BMS1: variants seen among roughly 807,000 people sequenced by gnomAD.
The protein encoded by BMS1 is ribosome biogenesis protein BMS1 homolog.
BMS1 carries 53 observed loss-of-function variants against 138.7 expected under a neutral mutation model. The ratio of observed to expected loss-of-function variants is 0.38; its 90% confidence interval spans 0.31 to 0.48. The LOEUF is 0.48. Among genes scored for constraint, BMS1 ranks in the 20% least tolerant of loss-of-function variants. The pLI, the probability that BMS1 is intolerant of heterozygous loss-of-function variation, is 0.97. For missense variants in BMS1, 1,360 were observed against 1,565.5 expected, an observed-to-expected ratio of 0.87 and a Z score of 2.22; for synonymous variants, 504 against 539.9, an observed-to-expected ratio of 0.93 and a Z score of 0.92.
chr10:42,818,084 C>T (rs552732099), intron 15 of BMS1, among the ~76,000 whole-genome samples: 1 of 152,298 alleles, frequency 6.6e-6, no homozygotes, highest in Admixed American at 6.5e-5. Flanking sequence ...AACGTGTGTA[C>T]AGTTGATGGT....
chr10:42,802,086 T>G, intron 12 of BMS1, 51 bp from the exon 13 acceptor site: 1 of 1,467,880 alleles, frequency 6.8e-7, no homozygotes. Context: ...TTAGAGTTGT[T>G]TTGCTGAGTG....
At chr10:42,809,974 T>G (rs889021048) in intron 13 of BMS1, among the ~76,000 whole-genome samples, 2 of 114,244 alleles carry the variant, frequency 1.8e-5, no homozygotes, top group African/African-American at 7.3e-5. Context: ...TTTTTTTTTT[T>G]GTAGAGCCAG....
rs148911479 is a variant in BMS1 at position 42,792,561 on chromosome 10, A to G, written c.848A>G (p.Tyr283Cys). ...AAATGTGACCGGAAGGTGTCACTTT[A>G]TGGTTATTTAAGAGGAGCACACTTG... is the stretch of plus-strand genomic sequence containing the variant. ...NIKCDRKVSL[Y>C]GYLRGAHLKN... Residue 283 changes from tyrosine (Y) to cysteine (C), a missense_variant, in exon 7 of 23, where the codon TAT becomes TGT. By Grantham distance (194) the Tyr-to-Cys change is radical. Transcript: ENST00000374518. 1.9e-3 allele frequency: 3,109 copies of G among 1,611,480 alleles called. 9 individuals are homozygous for G. The highest frequency in any genetic ancestry group is 2.4e-3 in the Non-Finnish European group (2,847 of 1,179,802).
intron 6 of BMS1, among the ~76,000 whole-genome samples, chr10:42,792,060 G>A (rs1054672238): frequency 6.6e-6 from 1 of 152,058 alleles, no homozygotes; most frequent in African/African-American, 2.4e-5. Context: ...CTTCATGCCC[G>A]GGTGCTTGAG....
In BMS1 at chr10:42,820,708, A is replaced by G; in HGVS notation, c.2950+20A>G. 6.2e-7 allele frequency: 1 copy of G among 1,608,294 alleles called. No individual in the cohort carries two copies. Among genetic ancestry groups the G allele is most frequent in the Admixed American group, 1.7e-5 (1 of 59,868 alleles). On this transcript the variant is annotated intron_variant, in intron 17 of 22. Coordinates refer to ENST00000374518, the MANE Select transcript of BMS1 (RefSeq NM_014753.4). ...TTTGGGGTAAAATATGATTACAATA[A>G]CTTGCCTGTTGCCAAGATTAAACCT...
rs542108701 is a variant in BMS1, at chr10:42,790,473, A to G, written c.598A>G (p.Lys200Glu). The G allele has an allele frequency of 6.2e-7, 1 of 1,613,996 alleles. No homozygotes were observed. The highest frequency in any genetic ancestry group is 2.2e-5 in the East Asian group (1 of 44,884). ...KHNKQLKKTK[K>E]RLKHRFWTEV... ...TAATAAGCAACTGAAGAAGACAAAG[A>G]AGCGATTAAAACACAGGTTCTGGAC... Residue 200 changes from lysine (K) to glutamate (E), a missense_variant, in exon 5 of 23, where the codon AAG becomes GAG. Lys to Glu is a moderately conservative substitution (Grantham distance 56). Coordinates refer to ENST00000374518, the MANE Select transcript of BMS1 (RefSeq NM_014753.4).
chr10:42,811,264 A>G (rs1170778376), intron 13 of BMS1, among the ~76,000 whole-genome samples: 2 of 151,884 alleles, frequency 1.3e-5, no homozygotes, highest in Non-Finnish European at 2.9e-5. Flanking sequence ...GCTGTTCTCA[A>G]GCTCCCAACC....
intron 21 of BMS1, among the ~76,000 whole-genome samples, chr10:42,827,362 GACAGTGTA>G (rs1564433664): frequency 6.6e-6 from 1 of 152,188 alleles, no homozygotes; most frequent in Admixed American, 6.5e-5. Context: ...AATGGCCTGA[GACAGTGTA>G]ACAGCAGCTC....
At position 42,785,461 on chromosome 10, in the gene BMS1, T is replaced by C. The variant is rs145386815; in HGVS notation, c.177-21T>C. The C allele has an allele frequency of 3.3e-4, 521 of 1,564,654 alleles. 1 individual carries two copies. In the African/African-American group the frequency reaches 6.4e-3, roughly 19 times the overall value. Reference sequence around the variant, plus strand: ...AAAATGAGTTTACTATTTATTTATTTGTTTATTTTTTAATGAATAGGACTC... The same window carrying C: ...AAAATGAGTTTACTATTTATTTATTCGTTTATTTTTTAATGAATAGGACTC... On this transcript the variant is annotated intron_variant, in intron 2 of 22. Transcript: ENST00000374518.
Position 42,829,139 on chromosome 10 carries a change from C to T in BMS1, c.3457-1122C>T, listed in dbSNP as rs191211627. Among the ~76,000 whole-genome samples the T allele has an allele frequency of 4.9e-4, 74 of 152,100 alleles. 1 individual carries two copies. In the East Asian group the frequency reaches 0.012, roughly 24 times the overall value. On this transcript the variant is annotated intron_variant, in intron 21 of 22. Coordinates refer to ENST00000374518, the MANE Select transcript of BMS1 (RefSeq NM_014753.4). ...GCAGTTAAGAATTTGGGTCATCCTC[C>T]GTCTCCACTAAAAATACAAAAAATT...
rs1185725486 is a variant in BMS1, at chr10:42,798,641, A to G, written c.2247+16A>G. On this transcript the variant is annotated intron_variant, in intron 12 of 22. Transcript: ENST00000374518. ...TTTAGAGGAGGTAAGTCTGGGTAGTACATTTGATTTATTAGAGAATTAGCG... is the reference window on the plus strand; with the variant it reads ...TTTAGAGGAGGTAAGTCTGGGTAGTGCATTTGATTTATTAGAGAATTAGCG... The G allele has an allele frequency of 1.9e-6, 3 of 1,611,234 alleles. No individual in the cohort carries two copies. The highest frequency in any genetic ancestry group is 1.3e-5 in the African/African-American group (1 of 74,860).
At chr10:42,828,848 G>A (rs546741294) in intron 21 of BMS1, among the ~76,000 whole-genome samples, 1 of 152,194 alleles carries the variant, frequency 6.6e-6, no homozygotes, top group South Asian at 2.1e-4. Flanking sequence ...AGTAGTTAAT[G>A]AAATTTTGAA....
chr10:42,797,744 C>T (rs911833707), intron 11 of BMS1, among the ~76,000 whole-genome samples: 1 of 152,134 alleles, frequency 6.6e-6, no homozygotes, highest in Non-Finnish European at 1.5e-5. Context: ...CAAATACCGT[C>T]CATTGCATCA....
intron 14 of BMS1, among the ~76,000 whole-genome samples, chr10:42,816,898 CTG>C (rs1410638580): frequency 6.6e-6 from 1 of 152,206 alleles, no homozygotes; most frequent in Non-Finnish European, 1.5e-5. Context: ...GCCAAGTCCA[CTG>C]TGATTTTTCA....
rs1842838098 is a variant in BMS1 at position 42,833,915 on chromosome 10, C to T, written c.*2819C>T. The stretch of plus-strand genomic sequence containing the variant: ...TGGCACTTGGAGTAGAGCCACTGAG[C>T]TTCGTGCTGCATAAAATTGCTTGGA... On this transcript the variant is annotated 3_prime_UTR_variant, in exon 23 of 23. Coordinates refer to ENST00000374518, the MANE Select transcript of BMS1 (RefSeq NM_014753.4). 6.6e-6 allele frequency: 1 copy of T among 152,214 alleles called. No individual in the cohort carries two copies. Among genetic ancestry groups the T allele is most frequent in the South Asian group, 2.1e-4 (1 of 4,832 alleles). 9.4% of individuals were successfully genotyped at this position (152,214 alleles called of 1,614,324 possible). A position where few individuals can be genotyped will look rare whatever the true frequency, so the allele number is the denominator to read the frequency against.
intron 12 of BMS1, among the ~76,000 whole-genome samples, chr10:42,800,462 T>G (rs1841835480): frequency 6.6e-6 from 1 of 152,146 alleles, no homozygotes; most frequent in Admixed American, 6.6e-5. Flanking sequence ...AACACTTCTT[T>G]AAAGAGAAAC....
At chr10:42,795,948 ATTC>A (rs1383390826) in intron 9 of BMS1, among the ~76,000 whole-genome samples, 1 of 152,134 alleles carries the variant, frequency 6.6e-6, no homozygotes, top group Non-Finnish European at 1.5e-5. Context: ...CACTATCATT[ATTC>A]TTCCTGATGC....
intron 9 of BMS1, among the ~76,000 whole-genome samples, chr10:42,795,606 C>T (rs1841660020): frequency 6.6e-6 from 1 of 152,022 alleles, no homozygotes; most frequent in Non-Finnish European, 1.5e-5. Context: ...CAGATGTGAG[C>T]CACTACCCCT....
intron 13 of BMS1, among the ~76,000 whole-genome samples, chr10:42,814,628 A>G (rs7922559): frequency 0.47 from 71,699 of 151,966 alleles, 17,624 homozygotes; most frequent in East Asian, 0.63. Flanking sequence ...TTTAGTCTGT[A>G]GGTCCTGGTC....
Sources: gnomAD v4.1 joint callset for allele counts (sites outside exome capture counted in the v4.1 genomes callset) on GRCh38, gnomAD v4.1.1 for gene constraint, MANE v1.5 for transcripts, NCBI Gene and HGNC (gene_info 2026-07-23, HGNC 2026-07-21) for gene names.